The following PIK3C2B variants were observed in gnomAD, a reference collection of about 807,000 sequenced individuals.
PIK3C2B encodes the protein phosphatidylinositol 4-phosphate 3-kinase C2 domain-containing subunit beta.
In PIK3C2B, 83 loss-of-function variants were observed where a neutral mutation model predicts 184.3. That is an observed-to-expected ratio of 0.45 (90% CI 0.38 to 0.54). PIK3C2B has a LOEUF of 0.54. PIK3C2B is among the 20% of genes least tolerant of loss of function. The probability of loss-of-function intolerance (pLI) is 0.00; values close to 1 mark genes in which losing one functional copy is unlikely to be tolerated. For missense variants in PIK3C2B, 1,736 were observed against 2,113.5 expected (o/e 0.82, Z 3.50); for synonymous variants, 779 against 837.6 (o/e 0.93, Z 1.21).
In PIK3C2B at chr1:204,433,477, T is replaced by C; in HGVS notation, c.3844-52A>G. 1 of 1,156,186 alleles carries C rather than the reference T, an allele frequency of 8.6e-7. No homozygotes were observed. Among genetic ancestry groups the C allele is most frequent in the Non-Finnish European group, 1.3e-6 (1 of 766,506 alleles). 71.6% of individuals were successfully genotyped at this position (1,156,186 alleles called of 1,614,324 possible). On this transcript the variant is annotated intron_variant, in intron 25 of 32. Coordinates refer to ENST00000684373, the MANE Select transcript of PIK3C2B (RefSeq NM_001377334.1). The surrounding 1 kb of genome is among the most constrained non-coding windows in gnomAD (Gnocchi z 5.0). ...GGGTGCCTGTAACAACAGAGAATTC[T>C]TGCTGCTTCTCTACCCTTAGGCAAG...
chr1:204,428,131 T>C lies in PIK3C2B; in HGVS notation c.4480+8A>G, dbSNP rs1463467304. 6.4e-7 allele frequency: 1 copy of C among 1,568,682 alleles called. No individual in the cohort carries two copies. Among genetic ancestry groups the C allele is most frequent in the Non-Finnish European group, 8.8e-7 (1 of 1,139,088 alleles). On this transcript the variant is annotated splice_region_variant and intron_variant, in intron 30 of 32. Transcript: ENST00000684373. ...GTTGGCAGTAAGGTCTCAGAGAAGATACTGTACCTGAGGACTTAGGAGCTG... is the reference window on the plus strand; with the variant it reads ...GTTGGCAGTAAGGTCTCAGAGAAGACACTGTACCTGAGGACTTAGGAGCTG...
intron 32 of PIK3C2B, 90 bp from the exon 33 acceptor site, chr1:204,425,130 T>C: frequency 9.4e-7 from 1 of 1,065,658 alleles, no homozygotes; most frequent in East Asian, 2.6e-5. Context: ...TAAAGTCTGT[T>C]GGGGGCTGAT....
intron 1 of PIK3C2B, among the ~76,000 whole-genome samples, chr1:204,483,399 A>T (rs1287550560): frequency 1.3e-5 from 2 of 152,078 alleles, no homozygotes; most frequent in Non-Finnish European, 2.9e-5. Context: ...CAAAAAAAAA[A>T]AAAAACGATC....
chr1:204,466,197 G>A (rs1655772159), intron 2 of PIK3C2B, among the ~76,000 whole-genome samples: 1 of 152,162 alleles, frequency 6.6e-6, no homozygotes, highest in African/African-American at 2.4e-5. Flanking sequence ...CTGCCTGAGG[G>A]GTCTGCTCAG....
chr1:204,440,843 C>A (rs1395215621), intron 21 of PIK3C2B, among the ~76,000 whole-genome samples: 1 of 151,300 alleles, frequency 6.6e-6, no homozygotes, highest in Non-Finnish European at 1.5e-5. Flanking sequence ...AAACTCCTGA[C>A]CTCAAATGAT....
At chr1:204,460,437 G>A in intron 6 of PIK3C2B, 34 bp from the exon 7 acceptor site, 2 of 1,580,180 alleles carry the variant, frequency 1.3e-6, no homozygotes, top group Non-Finnish European at 1.7e-6. Flanking sequence ...GAGAGGGGCG[G>A]TGCCCTTATC....
chr1:204,462,014 T>C (rs1205189096), intron 5 of PIK3C2B, among the ~76,000 whole-genome samples: 1 of 152,132 alleles, frequency 6.6e-6, no homozygotes. Flanking sequence ...GTCTGGGGGC[T>C]GGGCCAGGAG....
Position 204,434,593 on chromosome 1 carries a change from T to C in PIK3C2B, c.3532A>G (p.Ile1178Val), listed in dbSNP as rs751097748. The change falls in exon 24 of 33, where the codon ATC becomes GTC. Residue 1178 changes from isoleucine (I) to valine (V), a missense_variant. Coordinates refer to ENST00000684373, the MANE Select transcript of PIK3C2B (RefSeq NM_001377334.1). ...ACGCAGCAGCCAGCGCAGGAGTAGA[T>C]AAAGTTCTCCACAGCCTGGGAGGGG... is the stretch of plus-strand genomic sequence containing the variant. ...DEYEKAVENFIYSCAGCCVAT... is the reference protein window; with the variant it reads ...DEYEKAVENFVYSCAGCCVAT... The C allele has an allele frequency of 1.9e-5, 31 of 1,613,362 alleles. No individual in the cohort carries two copies. Among genetic ancestry groups the C allele is most frequent in the Non-Finnish European group, 2.5e-5 (30 of 1,179,518 alleles).
chr1:204,453,740 A>G (rs1654571420), intron 12 of PIK3C2B, among the ~76,000 whole-genome samples: 2 of 151,818 alleles, frequency 1.3e-5, no homozygotes, highest in South Asian at 4.2e-4. Context: ...ACAAGATCAA[A>G]AAATAAAGTA....
chr1:204,449,781 C>T, intron 13 of PIK3C2B, 69 bp downstream of exon 13: 1 of 1,422,698 alleles, frequency 7.0e-7, no homozygotes, highest in Non-Finnish European at 9.5e-7. Context: ...AGTGCAGCAG[C>T]CAGGCCCCTT....
At chr1:204,478,470 T>A (rs7512701) in intron 1 of PIK3C2B, among the ~76,000 whole-genome samples, 8,653 of 152,304 alleles carry the variant, frequency 0.057, 849 homozygotes, top group African/African-American at 0.2. Flanking sequence ...TGATCCCTGC[T>A]TCCTTATGGA....
At chr1:204,441,979 G>A (rs892452996) in intron 20 of PIK3C2B, among the ~76,000 whole-genome samples, 4 of 152,096 alleles carry the variant, frequency 2.6e-5, no homozygotes, top group African/African-American at 7.2e-5. Context: ...CGGGCACAGA[G>A]AGTGCTCAAT....
chr1:204,449,361 C>T (rs1654158655), intron 13 of PIK3C2B, 65 bp from the exon 14 acceptor site: 5 of 1,208,832 alleles, frequency 4.1e-6, no homozygotes, highest in South Asian at 1.3e-5. Flanking sequence ...TCTACTGCTC[C>T]CCCAATCCAA....
rs560842694 is a variant in PIK3C2B at position 204,425,748 on chromosome 1, T to C, written c.4588-7A>G. 2.3e-5 allele frequency: 37 copies of C among 1,609,706 alleles called. No homozygotes were observed. The highest frequency in any genetic ancestry group is 1.1e-4 in the East Asian group (5 of 44,846). On this transcript the variant is annotated splice_polypyrimidine_tract_variant and splice_region_variant and intron_variant, in intron 31 of 32. Transcript: ENST00000684373. The stretch of plus-strand genomic sequence containing the variant: ...TTCCATCCTGGAGCAGTTGCTACAA[T>C]AGAATGAGAACCAAAAAAATGTTAA...
intron 10 of PIK3C2B, among the ~76,000 whole-genome samples, 179 bp downstream of exon 10, chr1:204,456,858 C>T (rs1276583021): frequency 1.4e-5 from 2 of 146,440 alleles, no homozygotes; most frequent in African/African-American, 2.5e-5. Context: ...CAGCTGTATC[C>T]ACACCTCATA....
At position 204,469,784 on chromosome 1, in the gene PIK3C2B, T is replaced by C; in HGVS notation, c.19A>G (p.Asn7Asp). MSSTQG[N>D]GEHWKSLESV... The stretch of plus-strand genomic sequence containing the variant: ...TCCAGGGACTTCCAGTGTTCCCCAT[T>C]GCCCTGAGTCGAAGACATGGTGAGG... The change falls in exon 2 of 33, where the codon AAT becomes GAT. Residue 7 changes from asparagine (N) to aspartate (D), a missense_variant. This residue lies in a region of PIK3C2B where 404 missense variants were observed against 418.0 expected (regional missense o/e 0.97). Transcript: ENST00000684373. 6.2e-7 allele frequency: 1 copy of C among 1,613,478 alleles called. No homozygotes were observed. Among genetic ancestry groups the C allele is most frequent in the Non-Finnish European group, 8.5e-7 (1 of 1,179,468 alleles).
rs1655126151 is a variant in PIK3C2B, at chr1:204,459,256, A to G, written c.1566+622T>C. Among the ~76,000 whole-genome samples the G allele has an allele frequency of 1.3e-5, 2 of 152,180 alleles. 1 individual carries two copies. Among genetic ancestry groups the G allele is most frequent in the South Asian group, 4.1e-4 (2 of 4,832 alleles). ...GGCCTTGAACTTTGGGGTTCAAGCA[A>G]TTCTCCCACCTCAGTTTCCCAAAGG... On this transcript the variant is annotated intron_variant, in intron 8 of 32. Coordinates refer to ENST00000684373, the MANE Select transcript of PIK3C2B (RefSeq NM_001377334.1).
chr1:204,425,219 C>A (rs17334373), intron 32 of PIK3C2B, among the ~76,000 whole-genome samples, 179 bp from the exon 33 acceptor site: 10,525 of 152,156 alleles, frequency 0.069, 423 homozygotes, highest in Non-Finnish European at 0.086. Flanking sequence ...CCAAGGGAAG[C>A]ATTAATGAAC....
Position 204,433,525 on chromosome 1 carries a change from A to G in PIK3C2B, c.3844-100T>C. 1 of 820,500 alleles carries G rather than the reference A, an allele frequency of 1.2e-6. No individual in the cohort carries two copies. The highest frequency in any genetic ancestry group is 1.5e-5 in the South Asian group (1 of 65,908). The allele number at this position is 820,500 out of a possible 1,614,324, so 50.8% of individuals were successfully genotyped here. On this transcript the variant is annotated intron_variant, in intron 25 of 32. Coordinates refer to ENST00000684373, the MANE Select transcript of PIK3C2B (RefSeq NM_001377334.1). The surrounding 1 kb of genome is among the most constrained non-coding windows in gnomAD (Gnocchi z 5.0). ...AAGGTTTTCTACAGCTAGGCTCCCT[A>G]ACCCTTCTAGAGGGTGGTAGACAGA... is the stretch of plus-strand genomic sequence containing the variant.
Sources: gnomAD v4.1 joint callset for allele counts (sites outside exome capture counted in the v4.1 genomes callset) on GRCh38, gnomAD v4.1.1 for gene constraint, gnomAD v4.1.1 regional missense constraint, Gnocchi (gnomAD v3.1) non-coding constraint, MANE v1.5 for transcripts, NCBI Gene and HGNC (gene_info 2026-07-23, HGNC 2026-07-21) for gene names.